Variants in HDAC8 observed in about 807,000 individuals in gnomAD.
The protein encoded by HDAC8 is histone deacetylase-like 1.
In HDAC8, 1 loss-of-function variant was observed where a neutral mutation model predicts 32.2. That is an observed-to-expected ratio of 0.03 (90% CI 0.01 to 0.15). The LOEUF (loss-of-function observed/expected upper bound fraction) is 0.15, where lower values mean the gene tolerates loss of function less well. HDAC8 is among the 10% of genes least tolerant of loss of function. The probability of loss-of-function intolerance (pLI) is 1.00; values close to 1 mark genes in which losing one functional copy is unlikely to be tolerated. For missense variants in HDAC8, 117 were observed against 300.0 expected (o/e 0.39, Z 4.51); for synonymous variants, 108 against 113.9 (o/e 0.95, Z 0.33).
intron 7 of HDAC8, 106 bp downstream of exon 7, chrX:72,488,827 T>C (rs1569338281): frequency 8.8e-6 from 4 of 455,737 alleles, no homozygotes; most frequent in South Asian, 5.1e-5. Flanking sequence ...TATAGGTATA[T>C]AGATGTTTTC....
chrX:72,390,299 C>T (rs1045077614), intron 9 of HDAC8, among the ~76,000 whole-genome samples: 8 of 111,683 alleles, frequency 7.2e-5, no homozygotes, highest in African/African-American at 2.3e-4. Flanking sequence ...TATTTTTGTA[C>T]CCATTAACAG....
intron 9 of HDAC8, among the ~76,000 whole-genome samples, chrX:72,456,583 G>A (rs1602947188): frequency 9.0e-6 from 1 of 111,618 alleles, no homozygotes; most frequent in African/African-American, 3.3e-5. Flanking sequence ...CGAATTACTT[G>A]AGGTCAGGAG....
At chrX:72,464,363 T>C in intron 8 of HDAC8, 196 bp downstream of exon 8, 1 of 442,191 alleles carries the variant, frequency 2.3e-6, no homozygotes, top group East Asian at 3.8e-5. Flanking sequence ...TCAATGCACA[T>C]GCTAAGCTGA....
intron 4 of HDAC8, among the ~76,000 whole-genome samples, chrX:72,514,702 G>T (rs1442603773): frequency 1.4e-4 from 16 of 111,180 alleles, no homozygotes; most frequent in East Asian, 5.7e-4. Flanking sequence ...TCTGAGATAG[G>T]TGCTTATGGC....
At chrX:72,446,810 C>T (rs2047416881) in intron 9 of HDAC8, among the ~76,000 whole-genome samples, 1 of 111,388 alleles carries the variant, frequency 9.0e-6, no homozygotes, top group South Asian at 3.8e-4. Flanking sequence ...ATATAAACAC[C>T]TCTACACGAA....
intron 10 of HDAC8, among the ~76,000 whole-genome samples, chrX:72,334,023 GC>G (rs2043610457): frequency 8.9e-6 from 1 of 112,504 alleles, no homozygotes; most frequent in African/African-American, 3.2e-5. Context: ...AAATTTGGAG[GC>G]AATTAAGAAA....
intron 9 of HDAC8, among the ~76,000 whole-genome samples, chrX:72,428,550 T>C (rs1361262088): frequency 8.9e-6 from 1 of 111,970 alleles, no homozygotes; most frequent in East Asian, 2.8e-4. Context: ...TCTAATTAAT[T>C]GAGGAAGTGA....
At chrX:72,364,433 G>A (rs2044641085) in intron 9 of HDAC8, among the ~76,000 whole-genome samples, 2 of 111,922 alleles carry the variant, frequency 1.8e-5, no homozygotes, top group African/African-American at 6.5e-5. Context: ...CCTCTGACGT[G>A]CATTTATAAT....
chrX:72,394,155 T>C (rs1345982899), intron 9 of HDAC8, among the ~76,000 whole-genome samples: 1 of 111,894 alleles, frequency 8.9e-6, no homozygotes, highest in Non-Finnish European at 1.9e-5. Flanking sequence ...AATGCAGAAA[T>C]AATAATGGCA....
At chrX:72,446,900 A>G (rs1555985135) in intron 9 of HDAC8, among the ~76,000 whole-genome samples, 4 of 112,189 alleles carry the variant, frequency 3.6e-5, no homozygotes, top group Non-Finnish European at 7.5e-5. Flanking sequence ...GAAGAAATCG[A>G]ATCCCTGAAT....
intron 4 of HDAC8, among the ~76,000 whole-genome samples, chrX:72,560,565 TAAAAAAAAA>T: frequency 2.8e-5 from 1 of 35,225 alleles, no homozygotes; most frequent in East Asian, 9.4e-4. Context: ...CAATAAATAC[TAAAAAAAAA>T]AAAAAAAAAA....
chrX:72,432,862 T>C (rs1555977933), intron 9 of HDAC8, among the ~76,000 whole-genome samples: 1 of 111,805 alleles, frequency 8.9e-6, no homozygotes, highest in Non-Finnish European at 1.9e-5. Context: ...TAGTATTCAA[T>C]AAATAGTCAC....
At chrX:72,378,009 T>C (rs1462914435) in intron 9 of HDAC8, among the ~76,000 whole-genome samples, 1 of 110,645 alleles carries the variant, frequency 9.0e-6, no homozygotes, top group Non-Finnish European at 1.9e-5. Context: ...TGTATATATA[T>C]GTATGTGTGT....
chrX:72,542,990 A>C (rs1480813883), intron 4 of HDAC8, among the ~76,000 whole-genome samples: 2 of 112,171 alleles, frequency 1.8e-5, no homozygotes, highest in African/African-American at 6.5e-5. Context: ...TCCCTTTTAT[A>C]GTCAGGAACT....
intron 9 of HDAC8, among the ~76,000 whole-genome samples, chrX:72,412,595 C>T (rs184180292): frequency 7.2e-5 from 8 of 111,235 alleles, no homozygotes; most frequent in African/African-American, 2.0e-4. Context: ...TTAGAATGTA[C>T]TTTGGGTATT....
intron 9 of HDAC8, among the ~76,000 whole-genome samples, chrX:72,442,863 A>T (rs1277360002): frequency 9.0e-6 from 1 of 110,551 alleles, no homozygotes; most frequent in Non-Finnish European, 1.9e-5. Context: ...AATGGAAAAC[A>T]AAAAAAGGCA....
At chrX:72,348,242 C>A (rs2044082895) in intron 10 of HDAC8, among the ~76,000 whole-genome samples, 1 of 112,194 alleles carries the variant, frequency 8.9e-6, no homozygotes, top group South Asian at 3.7e-4. Context: ...TCTTACCTCT[C>A]CAAAGCAATC....
At chrX:72,389,932 G>A (rs1276593093) in intron 9 of HDAC8, among the ~76,000 whole-genome samples, 5 of 111,575 alleles carry the variant, frequency 4.5e-5, no homozygotes, top group African/African-American at 1.6e-4. Flanking sequence ...TGGGGGGCAG[G>A]GATGTGGATG....
chrX:72,417,427 G>A (rs181717616), intron 9 of HDAC8, among the ~76,000 whole-genome samples: 27 of 111,564 alleles, frequency 2.4e-4, no homozygotes, highest in African/African-American at 7.8e-4. Flanking sequence ...ACACCAACAG[G>A]TCCAAGTTGA....
Sources: allele counts gnomAD v4.1 joint callset (sites outside exome capture counted in the v4.1 genomes callset), GRCh38; gene constraint gnomAD v4.1.1; transcripts MANE v1.5; gene names NCBI Gene and HGNC (gene_info 2026-07-23, HGNC 2026-07-21).